ABCD3: variants seen among roughly 807,000 people sequenced by gnomAD.
ABCD3 encodes the protein ATP-binding cassette sub-family D member 3.
A neutral mutation model predicts 105.5 loss-of-function variants in ABCD3; 41 were observed. That is an observed-to-expected ratio of 0.39 (90% confidence interval 0.30 to 0.50). ABCD3 has a LOEUF of 0.50. Ranked by LOEUF, ABCD3 falls within the 20% of genes least tolerant of loss-of-function variation. ABCD3 has a pLI of 0.84. For synonymous variants in ABCD3, 258 were observed against 269.0 expected (o/e 0.96, Z 0.40); for missense variants, 622 against 806.3 (o/e 0.77, Z 2.77).
At chr1:94,484,979 C>A (rs949807272) in intron 10 of ABCD3, among the ~76,000 whole-genome samples, 2 of 151,960 alleles carry the variant, frequency 1.3e-5, no homozygotes, top group African/African-American at 4.8e-5. Context: ...CTTTTCATAC[C>A]ACACAGTGTC....
rs567886773 is a variant in ABCD3 at position 94,428,469 on chromosome 1, C to T, written c.110+9881C>T. Reference sequence around the variant, plus strand: ...GTTTATAATGTATCATTGCATGTCACTATTTTAAAAATATTTATACAGCTT... The same window carrying T: ...GTTTATAATGTATCATTGCATGTCATTATTTTAAAAATATTTATACAGCTT... On this transcript the variant is annotated intron_variant, in intron 1 of 22. Coordinates refer to ENST00000370214, the MANE Select transcript of ABCD3 (RefSeq NM_002858.4). 2.4e-4 allele frequency among the ~76,000 whole-genome samples: 37 copies of T among 152,256 alleles called. No homozygotes were observed. In the South Asian group the frequency reaches 7.5e-3, roughly 31 times the overall value.
chr1:94,431,444 T>C (rs1468638388), intron 1 of ABCD3, among the ~76,000 whole-genome samples: 3 of 152,218 alleles, frequency 2.0e-5, no homozygotes, highest in Admixed American at 2.0e-4. Context: ...ACAAGAGTTT[T>C]GCTGTTAAGA....
rs1053618586 is a variant in ABCD3, at chr1:94,419,289, G to C, written c.110+701G>C. 1.5e-4 allele frequency: 149 copies of C among 985,206 alleles called. 3 individuals carry two copies. Among genetic ancestry groups the C allele is most frequent in the Non-Finnish European group, 1.2e-5 (10 of 829,916 alleles). 61.0% of individuals were successfully genotyped at this position (985,206 alleles called of 1,614,324 possible). A position where few individuals can be genotyped will look rare whatever the true frequency, so the allele number is the denominator to read the frequency against. ...CTTAGAGGGAAATGTTTTCCTTCCT[G>C]GGCTCTGTAGGTGAAAGATGAGAGT... On this transcript the variant is annotated intron_variant, in intron 1 of 22. Coordinates refer to ENST00000370214, the MANE Select transcript of ABCD3 (RefSeq NM_002858.4).
chr1:94,506,159 A>G (rs541942180), intron 20 of ABCD3, among the ~76,000 whole-genome samples: 2 of 152,222 alleles, frequency 1.3e-5, no homozygotes, highest in Non-Finnish European at 2.9e-5. Flanking sequence ...AATATTTAAA[A>G]TAGAGACCTT....
chr1:94,465,306 T>C (rs1182398854), intron 3 of ABCD3, among the ~76,000 whole-genome samples: 1 of 152,216 alleles, frequency 6.6e-6, no homozygotes, highest in Non-Finnish European at 1.5e-5. Flanking sequence ...AGTGTTCAAC[T>C]TTCAAGGTTA....
intron 1 of ABCD3, among the ~76,000 whole-genome samples, chr1:94,444,904 T>A (rs2100923531): frequency 6.6e-6 from 1 of 152,330 alleles, no homozygotes; most frequent in East Asian, 1.9e-4. Context: ...TGCTGAAGGT[T>A]GCAGGTTTAC....
intron 1 of ABCD3, among the ~76,000 whole-genome samples, chr1:94,433,479 G>A (rs908729414): frequency 7.9e-5 from 12 of 151,898 alleles, no homozygotes; most frequent in African/African-American, 2.9e-4. Flanking sequence ...ATTGTTGTGT[G>A]AACATCATAG....
intron 10 of ABCD3, among the ~76,000 whole-genome samples, chr1:94,483,917 A>C (rs2101012820): frequency 6.6e-6 from 1 of 152,364 alleles, no homozygotes; most frequent in East Asian, 1.9e-4. Flanking sequence ...TAATATCCAG[A>C]ATCTACAAAG....
intron 17 of ABCD3, 25 bp from the exon 18 acceptor site, chr1:94,498,755 GTTC>G: frequency 6.2e-7 from 1 of 1,613,290 alleles, no homozygotes; most frequent in Non-Finnish European, 8.5e-7. Flanking sequence ...TTTTACAATT[GTTC>G]TTCTCCCTTC....
chr1:94,421,737 G>A lies in ABCD3; in HGVS notation c.110+3149G>A, dbSNP rs115112566. 5.7e-3 allele frequency among the ~76,000 whole-genome samples: 862 copies of A among 152,260 alleles called. 9 individuals carry two copies. The highest frequency in any genetic ancestry group is 0.02 in the African/African-American group (812 of 41,566). ...GACAAGATTAATGTGTTTGGGAAGG[G>A]TTGGGGAAGGCTTCATGAAGGATGT... is the stretch of plus-strand genomic sequence containing the variant. On this transcript the variant is annotated intron_variant, in intron 1 of 22. Coordinates refer to ENST00000370214, the MANE Select transcript of ABCD3 (RefSeq NM_002858.4).
chr1:94,484,834 G>A (rs11165148), intron 10 of ABCD3, among the ~76,000 whole-genome samples: 13 of 152,154 alleles, frequency 8.5e-5, no homozygotes, highest in African/African-American at 3.1e-4. Flanking sequence ...GGTTGCTTAG[G>A]AGCCTTATTT....
At chr1:94,389,743 C>T in the ABCD3 span, among the ~76,000 whole-genome samples, 1 of 152,164 alleles carries the variant, frequency 6.6e-6, no homozygotes, top group African/African-American at 2.4e-5. Context: ...GTGTCCCCGA[C>T]TGAGCTGGTC....
intron 10 of ABCD3, among the ~76,000 whole-genome samples, chr1:94,485,921 G>A (rs1649256698): frequency 6.6e-6 from 1 of 152,156 alleles, no homozygotes; most frequent in Non-Finnish European, 1.5e-5. Context: ...GCCAGTTGCG[G>A]TGGCTCACCC....
At chr1:94,475,091 T>C (rs1648674578) in intron 5 of ABCD3, 52 bp from the exon 6 acceptor site, 1 of 1,120,240 alleles carries the variant, frequency 8.9e-7, no homozygotes, top group Non-Finnish European at 1.3e-6. Context: ...AATTATAGTT[T>C]AGTAAGCAGA....
chr1:94,491,085 GC>G (rs1216544648), intron 15 of ABCD3, 98 bp from the exon 16 acceptor site: 4 of 838,516 alleles, frequency 4.8e-6, no homozygotes, highest in Non-Finnish European at 7.8e-6. Flanking sequence ...TAAGCTCTTT[GC>G]CCATTTTTTA....
rs78294493 is a variant in ABCD3, at chr1:94,452,173, C to A, written c.111-6434C>A. On this transcript the variant is annotated intron_variant, in intron 1 of 22. Transcript: ENST00000370214. ...AGTGCAATTAATTATTATATCAGGA[C>A]AACAGATGTAAACAAGGACCATTCT... Among the ~76,000 whole-genome samples the A allele has an allele frequency of 6.7e-3, 1,026 of 152,232 alleles. 11 individuals are homozygous for A. Among genetic ancestry groups the A allele is most frequent in the African/African-American group, 0.024 (985 of 41,536 alleles).
intron 4 of ABCD3, 27 bp downstream of exon 4, chr1:94,468,034 T>C: frequency 1.3e-6 from 2 of 1,488,002 alleles, no homozygotes; most frequent in Middle Eastern, 3.5e-4. Context: ...CTTCCTCCTA[T>C]ATGTATGAAA....
At chr1:94,401,749 C>T in the ABCD3 span, among the ~76,000 whole-genome samples, 1 of 152,134 alleles carries the variant, frequency 6.6e-6, no homozygotes, top group Non-Finnish European at 1.5e-5. Flanking sequence ...TCTTTAAGAT[C>T]TTTCTTTTTA....
intron 1 of ABCD3, among the ~76,000 whole-genome samples, chr1:94,434,100 G>C (rs549270307): frequency 6.6e-6 from 1 of 152,160 alleles, no homozygotes; most frequent in Non-Finnish European, 1.5e-5. Context: ...ATGAGTGAAT[G>C]TGAAGGCCTA....
Sources: gnomAD v4.1 joint callset for allele counts (sites outside exome capture counted in the v4.1 genomes callset) on GRCh38, gnomAD v4.1.1 for gene constraint, MANE v1.5 for transcripts, NCBI Gene and HGNC (gene_info 2026-07-23, HGNC 2026-07-21) for gene names.